CNTNAP5: variants seen among roughly 807,000 people sequenced by gnomAD.
CNTNAP5 encodes contactin-associated protein-like 5.
A neutral mutation model predicts 150.2 loss-of-function variants in CNTNAP5; 72 were observed. The observed-to-expected ratio is 0.48, with a 90% confidence interval of 0.40 to 0.58. The LOEUF (loss-of-function observed/expected upper bound fraction) is 0.58. Among genes scored for constraint, CNTNAP5 ranks in the 20% least tolerant of loss-of-function variants. CNTNAP5 has a pLI of 0.00. For synonymous variants in CNTNAP5, 672 were observed against 619.8 expected (o/e 1.08, Z -1.25); for missense variants, 1,636 against 1,626.2 (o/e 1.01, Z -0.10).
chr2:124,318,334 C>A (rs1689017823), intron 3 of CNTNAP5, among the ~76,000 whole-genome samples: 3 of 152,152 alleles, frequency 2.0e-5, no homozygotes, highest in African/African-American at 7.2e-5. Flanking sequence ...TTAAAATATA[C>A]CTTCAATTCA....
intron 13 of CNTNAP5, among the ~76,000 whole-genome samples, chr2:124,699,934 T>C (rs893411123): frequency 3.9e-5 from 6 of 152,204 alleles, no homozygotes; most frequent in Admixed American, 2.0e-4. Context: ...GTTGTACAAC[T>C]ATCACCACTA....
intron 19 of CNTNAP5, among the ~76,000 whole-genome samples, chr2:124,850,444 C>A (rs549996121): frequency 5.9e-5 from 9 of 152,202 alleles, no homozygotes; most frequent in African/African-American, 2.2e-4. Flanking sequence ...TGGAGCAATG[C>A]ACACCAAAGA....
intron 3 of CNTNAP5, among the ~76,000 whole-genome samples, chr2:124,406,742 A>G (rs1003660950): frequency 6.6e-6 from 1 of 152,202 alleles, no homozygotes; most frequent in Non-Finnish European, 1.5e-5. Context: ...AATATATAAT[A>G]CATGTTGTTG....
chr2:124,307,967 C>T (rs1573905913), intron 3 of CNTNAP5, among the ~76,000 whole-genome samples: 1 of 152,252 alleles, frequency 6.6e-6, no homozygotes, highest in East Asian at 1.9e-4. Flanking sequence ...TTCACAACAA[C>T]TTTACAGTTA....
chr2:124,026,927 T>C (rs974810008), intron 1 of CNTNAP5, among the ~76,000 whole-genome samples: 1 of 152,306 alleles, frequency 6.6e-6, no homozygotes, highest in South Asian at 2.1e-4. Context: ...GGGAAGACAA[T>C]TGGACAAATG....
At chr2:124,037,154 G>A (rs1220374939) in intron 1 of CNTNAP5, among the ~76,000 whole-genome samples, 1 of 152,144 alleles carries the variant, frequency 6.6e-6, no homozygotes, top group Non-Finnish European at 1.5e-5. Flanking sequence ...GTTTATAAAA[G>A]TTGCTTGTAT....
intron 1 of CNTNAP5, among the ~76,000 whole-genome samples, chr2:124,155,296 T>C (rs1684500378): frequency 6.6e-6 from 1 of 152,124 alleles, no homozygotes; most frequent in African/African-American, 2.4e-5. Context: ...TCTAAACGTT[T>C]TCAGTTCCTT....
chr2:124,439,512 A>G (rs558650571), intron 5 of CNTNAP5, among the ~76,000 whole-genome samples: 1 of 152,192 alleles, frequency 6.6e-6, no homozygotes, highest in Non-Finnish European at 1.5e-5. Context: ...GACGGACACA[A>G]GTTAGACACC....
chr2:124,096,314 G>A (rs1682931367), intron 1 of CNTNAP5, among the ~76,000 whole-genome samples: 1 of 151,940 alleles, frequency 6.6e-6, no homozygotes, highest in African/African-American at 2.4e-5. Flanking sequence ...GAAACATATG[G>A]GAGCCCTGCT....
rs68071893 is a variant in CNTNAP5, at chr2:124,714,218, A to AT, written c.2078-33004dup. On this transcript the variant is annotated intron_variant, in intron 13 of 23. Transcript: ENST00000682447. ...AAGCTGCTTGAGAACAGTCATTGTG[A>AT]TTTTTTTCACCTCTATCTGCTCAAT... is the stretch of plus-strand genomic sequence containing the variant. 5.3e-4 allele frequency among the ~76,000 whole-genome samples: 80 copies of AT among 151,944 alleles called. 1 individual carries two copies. The South Asian group carries it at 0.015, about 29-fold the overall frequency.
At position 124,461,720 on chromosome 2, in the gene CNTNAP5, G is replaced by A. The variant is rs192993146; in HGVS notation, c.919-13019G>A. ...AAAAATACAAAAATTAGCCAGGTGT[G>A]GTGATGCATGCCTGTAATCCCAACT... On this transcript the variant is annotated intron_variant, in intron 6 of 23. Coordinates refer to ENST00000682447, the MANE Select transcript of CNTNAP5 (RefSeq NM_001367498.1). Among the ~76,000 whole-genome samples the A allele has an allele frequency of 4.8e-3, 735 of 151,834 alleles. 11 individuals are homozygous for A. The highest frequency in any genetic ancestry group is 2.1e-3 in the Non-Finnish European group (146 of 67,908).
At chr2:124,266,413 C>T (rs1274129962) in intron 3 of CNTNAP5, among the ~76,000 whole-genome samples, 2 of 151,994 alleles carry the variant, frequency 1.3e-5, no homozygotes, top group African/African-American at 4.8e-5. Flanking sequence ...CTTTAGAAAC[C>T]GATTTGACTC....
At chr2:124,050,274 G>A (rs765469012) in intron 1 of CNTNAP5, among the ~76,000 whole-genome samples, 2 of 151,978 alleles carry the variant, frequency 1.3e-5, no homozygotes, top group Non-Finnish European at 2.9e-5. Flanking sequence ...GGTCAGCCCC[G>A]GCAACGTGGC....
chr2:124,063,987 A>G (rs148622670), intron 1 of CNTNAP5, among the ~76,000 whole-genome samples: 79 of 152,248 alleles, frequency 5.2e-4, no homozygotes, highest in African/African-American at 1.7e-3. Context: ...CTAAGAAAAC[A>G]TATTGCTCCC....
intron 3 of CNTNAP5, among the ~76,000 whole-genome samples, chr2:124,301,128 T>A (rs1688559743): frequency 6.6e-6 from 1 of 152,220 alleles, no homozygotes; most frequent in Non-Finnish European, 1.5e-5. Flanking sequence ...TTTACAAAGA[T>A]GTTGATCTGT....
At chr2:124,703,495 A>T (rs1026851770) in intron 13 of CNTNAP5, among the ~76,000 whole-genome samples, 5 of 152,206 alleles carry the variant, frequency 3.3e-5, no homozygotes, top group Non-Finnish European at 5.9e-5. Flanking sequence ...TAAAAGAAGT[A>T]GCATAAAAAT....
At chr2:124,467,817 C>T (rs1429603155) in intron 6 of CNTNAP5, among the ~76,000 whole-genome samples, 1 of 152,130 alleles carries the variant, frequency 6.6e-6, no homozygotes, top group African/African-American at 2.4e-5. Context: ...AACGGTTTTG[C>T]TTCTTTTCCC....
chr2:124,122,994 C>T (rs961815480), intron 1 of CNTNAP5, among the ~76,000 whole-genome samples: 8 of 152,120 alleles, frequency 5.3e-5, no homozygotes, highest in South Asian at 4.1e-4. Flanking sequence ...CAGCTCCCAG[C>T]GTGAGTGATG....
At chr2:124,817,814 T>C (rs953336695) in intron 19 of CNTNAP5, among the ~76,000 whole-genome samples, 1 of 152,206 alleles carries the variant, frequency 6.6e-6, no homozygotes, top group African/African-American at 2.4e-5. Context: ...ACCTATGTTA[T>C]AACCAGGGTG....
Sources: gnomAD v4.1 joint callset for allele counts (sites outside exome capture counted in the v4.1 genomes callset) on GRCh38, gnomAD v4.1.1 for gene constraint, MANE v1.5 for transcripts, NCBI Gene and HGNC (gene_info 2026-07-23, HGNC 2026-07-21) for gene names.